Variants in DYNLT2B observed in about 807,000 individuals in gnomAD.
DYNLT2B encodes the protein dynein light chain Tctex-type 2B, also known as dynein light chain Tctex-type protein 2B.
In DYNLT2B, 14 loss-of-function variants were observed where a neutral mutation model predicts 19.5. That is an observed-to-expected ratio of 0.72 (90% CI 0.47 to 1.12). The LOEUF (loss-of-function observed/expected upper bound fraction) is 1.12, where lower values mean the gene tolerates loss of function less well. DYNLT2B is among the 50% of genes most tolerant of loss of function. DYNLT2B has a pLI of 0.00. For synonymous variants in DYNLT2B, 70 were observed against 59.7 expected (o/e 1.17, Z -0.79); for missense variants, 133 against 174.7 (o/e 0.76, Z 1.35).
intron 2 of DYNLT2B, among the ~76,000 whole-genome samples, chr3:196,313,431 A>G (rs1452692267): frequency 6.6e-6 from 1 of 152,024 alleles, no homozygotes; most frequent in East Asian, 1.9e-4. Flanking sequence ...CCTGGGCTCA[A>G]GAGATCCGCC....
At chr3:196,310,053 T>C (rs545199959) in intron 2 of DYNLT2B, among the ~76,000 whole-genome samples, 29 of 151,948 alleles carry the variant, frequency 1.9e-4, no homozygotes, top group Non-Finnish European at 3.4e-4. Flanking sequence ...ACTAGAACAA[T>C]GTAAGCTTAT....
At chr3:196,316,915 G>T (rs1335372944) in intron 1 of DYNLT2B, among the ~76,000 whole-genome samples, 6 of 42,392 alleles carry the variant, frequency 1.4e-4, no homozygotes, top group Non-Finnish European at 1.7e-4. Context: ...GTGTTGTGTG[G>T]TGTGTGTGTG....
chr3:196,296,230 G>A (rs766156294), intron 3 of DYNLT2B, 161 bp from the exon 4 acceptor site: 13 of 603,062 alleles, frequency 2.2e-5, no homozygotes, highest in Non-Finnish European at 3.8e-5. Flanking sequence ...GTACCAGAGA[G>A]TATACTGGGT....
chr3:196,299,604 G>A (rs920416280), intron 3 of DYNLT2B, among the ~76,000 whole-genome samples: 23 of 152,128 alleles, frequency 1.5e-4, no homozygotes, highest in African/African-American at 4.8e-4. Context: ...AAGTAGAACT[G>A]AGCGTATCAC....
intron 2 of DYNLT2B, among the ~76,000 whole-genome samples, chr3:196,315,023 A>G (rs1726742653): frequency 6.6e-6 from 1 of 152,028 alleles, no homozygotes; most frequent in Non-Finnish European, 1.5e-5. Flanking sequence ...GGAAGAAACA[A>G]CCAAGAAATA....
intron 2 of DYNLT2B, among the ~76,000 whole-genome samples, chr3:196,310,363 C>T (rs1334030724): frequency 6.6e-6 from 1 of 151,794 alleles, no homozygotes; most frequent in African/African-American, 2.4e-5. Context: ...CCACCTACCT[C>T]GGCCTCCCAA....
intron 3 of DYNLT2B, among the ~76,000 whole-genome samples, chr3:196,296,948 C>T (rs1173741114): frequency 7.1e-6 from 1 of 141,184 alleles, no homozygotes; most frequent in Non-Finnish European, 1.5e-5. Context: ...CAATTCTGCA[C>T]TTTGGGAGGC....
chr3:196,305,495 G>A (rs1726462587), intron 3 of DYNLT2B, among the ~76,000 whole-genome samples: 2 of 152,032 alleles, frequency 1.3e-5, no homozygotes, highest in South Asian at 2.1e-4. Context: ...TAAATGGCAG[G>A]AAAAAATAAA....
At chr3:196,317,630 C>T (rs1726911716) in intron 1 of DYNLT2B, among the ~76,000 whole-genome samples, 1 of 152,132 alleles carries the variant, frequency 6.6e-6, no homozygotes, top group South Asian at 2.1e-4. Context: ...CGCACAGATG[C>T]AGCTCCCGCG....
At position 196,307,908 on chromosome 3, in the gene DYNLT2B, C is replaced by T. The variant is rs138875005; in HGVS notation, c.248-896G>A. Among the ~76,000 whole-genome samples the T allele has an allele frequency of 3.6e-3, 549 of 151,216 alleles. 4 individuals carry two copies. Among genetic ancestry groups the T allele is most frequent in the Middle Eastern group, 6.8e-3 (2 of 294 alleles). On this transcript the variant is annotated intron_variant, in intron 2 of 4. Coordinates refer to ENST00000325318, the MANE Select transcript of DYNLT2B (RefSeq NM_152773.5). ...AAGCCTGGCCAACATGGTTAAGCCCCGTCTCTACTAAAAAATATAAAAATT... is the reference window on the plus strand; with the variant it reads ...AAGCCTGGCCAACATGGTTAAGCCCTGTCTCTACTAAAAAATATAAAAATT...
intron 2 of DYNLT2B, chr3:196,315,223 T>C (rs1349846846): frequency 4.7e-6 from 2 of 426,738 alleles, no homozygotes; most frequent in Non-Finnish European, 9.2e-6. Flanking sequence ...GCTAACATTC[T>C]ATTTACGTTT....
chr3:196,298,407 C>T (rs778994276), intron 3 of DYNLT2B, among the ~76,000 whole-genome samples: 3 of 151,978 alleles, frequency 2.0e-5, no homozygotes, highest in South Asian at 4.1e-4. Context: ...CTCCACCTCC[C>T]GGGTTCAATG....
intron 4 of DYNLT2B, among the ~76,000 whole-genome samples, chr3:196,295,543 T>TA (rs143747496): frequency 5.3e-5 from 8 of 151,018 alleles, no homozygotes; most frequent in Admixed American, 1.3e-4. Context: ...ATTTTACTAC[T>TA]AAAAAAAAAT....
chr3:196,318,222 G>A lies in DYNLT2B; in HGVS notation c.-70C>T, dbSNP rs1413348995. ...CGGGTTGCGGTCGCGGCCGGCAGCA[G>A]GGAAAGCGTCTCCAGGGCAACAGGG... On this transcript the variant is annotated 5_prime_UTR_variant, in exon 1 of 5. Coordinates refer to ENST00000325318, the MANE Select transcript of DYNLT2B (RefSeq NM_152773.5). The A allele has an allele frequency of 3.3e-6, 3 of 899,118 alleles. No individual in the cohort carries two copies. The East Asian group carries it at 1.0e-4, about 30-fold the overall frequency. The allele number at this position is 899,118 out of a possible 1,614,324, so 55.7% of individuals were successfully genotyped here.
chr3:196,295,928 T>C lies in DYNLT2B; in HGVS notation c.381+78A>G, dbSNP rs1726210320. The C allele has an allele frequency of 3.4e-6, 4 of 1,184,028 alleles. No individual in the cohort carries two copies. In the East Asian group the frequency reaches 9.4e-5, roughly 28 times the overall value. The allele number at this position is 1,184,028 out of a possible 1,614,324, so 73.3% of individuals were successfully genotyped here. On this transcript the variant is annotated intron_variant, in intron 4 of 4. Transcript: ENST00000325318. The stretch of plus-strand genomic sequence containing the variant: ...TGACTAAGACAGCAGTGTCTTTCCA[T>C]CCCAATCAACAGTAAATAGTTTGAT...
intron 2 of DYNLT2B, among the ~76,000 whole-genome samples, chr3:196,313,698 A>G (rs533732054): frequency 1.1e-3 from 168 of 152,358 alleles, no homozygotes; most frequent in African/African-American, 4.0e-3. Context: ...CAGGATTGCT[A>G]TTCTTTGTAC....
intron 2 of DYNLT2B, among the ~76,000 whole-genome samples, chr3:196,314,539 G>A (rs931388103): frequency 3.3e-5 from 5 of 151,744 alleles, no homozygotes; most frequent in South Asian, 2.1e-4. Flanking sequence ...GAGACCAGGC[G>A]CAGTGGCTCA....
chr3:196,317,369 A>ACT, intron 1 of DYNLT2B, among the ~76,000 whole-genome samples: 1 of 15,976 alleles, frequency 6.3e-5, no homozygotes, highest in Non-Finnish European at 1.3e-4. Context: ...TATTTTTTTC[A>ACT]GTGTGTGTGT....
At chr3:196,307,825 A>AGG (rs1726533692) in intron 2 of DYNLT2B, among the ~76,000 whole-genome samples, 2 of 151,094 alleles carry the variant, frequency 1.3e-5, no homozygotes, top group Non-Finnish European at 1.5e-5. Context: ...CACGCCTGTA[A>AGG]TCCCAGCACT....
Sources: allele counts gnomAD v4.1 joint callset (sites outside exome capture counted in the v4.1 genomes callset), GRCh38; gene constraint gnomAD v4.1.1; transcripts MANE v1.5; gene names NCBI Gene and HGNC (gene_info 2026-07-23, HGNC 2026-07-21).